The following TLK2 variants were observed in gnomAD, a reference collection of about 807,000 sequenced individuals.
TLK2 encodes the protein tousled like kinase 2.
TLK2 carries 6 observed loss-of-function variants against 117.3 expected under a neutral mutation model. The ratio of observed to expected loss-of-function variants is 0.05; its 90% CI spans 0.03 to 0.10. The LOEUF is 0.10. TLK2 is among the 10% of genes least tolerant of loss of function. The pLI is 1.00. For missense variants in TLK2, 299 were observed against 901.2 expected, an observed-to-expected ratio of 0.33 and a Z score of 8.56; for synonymous variants, 257 against 316.7, an observed-to-expected ratio of 0.81 and a Z score of 2.00.
chr17:62,480,714 T>TAG (rs2071539730), intron 1 of TLK2, among the ~76,000 whole-genome samples: 1 of 152,242 alleles, frequency 6.6e-6, no homozygotes, highest in African/African-American at 2.4e-5. Flanking sequence ...TAAGGACTAC[T>TAG]TCCTGAGTGG....
intron 16 of TLK2, among the ~76,000 whole-genome samples, chr17:62,587,412 G>A (rs1345354496): frequency 6.6e-6 from 1 of 152,040 alleles, no homozygotes. Context: ...GTTTTTTTTG[G>A]TGTTTTGTTT....
At chr17:62,476,139 C>A (rs569700691), upstream of TLK2, among the ~76,000 whole-genome samples, 8 of 151,902 alleles carry the variant, frequency 5.3e-5, no homozygotes, top group African/African-American at 1.9e-4. Context: ...ACCACTATGC[C>A]GAGCTAATTT....
intron 7 of TLK2, 146 bp downstream of exon 7, chr17:62,536,483 A>G (rs999551272): frequency 2.1e-6 from 2 of 940,890 alleles, no homozygotes; most frequent in African/African-American, 3.4e-5. Flanking sequence ...TCATTCCCAA[A>G]CATGTCTAAT....
chr17:62,498,862 T>G (rs2073944366), intron 2 of TLK2, among the ~76,000 whole-genome samples: 1 of 151,730 alleles, frequency 6.6e-6, no homozygotes, highest in Non-Finnish European at 1.5e-5. Context: ...ATTTCTTTGG[T>G]TTATTTGTTT....
chr17:62,503,242 T>G (rs1422759308), intron 2 of TLK2, among the ~76,000 whole-genome samples: 1 of 151,756 alleles, frequency 6.6e-6, no homozygotes, highest in Non-Finnish European at 1.5e-5. Context: ...GTATTTTTAG[T>G]AGAGACGGGG....
chr17:62,609,560 C>T (rs2083579803), intron 21 of TLK2, among the ~76,000 whole-genome samples: 1 of 152,162 alleles, frequency 6.6e-6, no homozygotes, highest in African/African-American at 2.4e-5. Context: ...CTCCCTGTCC[C>T]CATTGTTCAA....
chr17:62,549,468 A>C (rs2078267083), intron 7 of TLK2, among the ~76,000 whole-genome samples: 1 of 149,612 alleles, frequency 6.7e-6, no homozygotes, highest in Non-Finnish European at 1.5e-5. Flanking sequence ...AGAGGATTGT[A>C]AAAGCAATCA....
intron 16 of TLK2, among the ~76,000 whole-genome samples, chr17:62,591,956 C>CTTT (rs1015103461): frequency 9.6e-5 from 14 of 145,658 alleles, no homozygotes; most frequent in African/African-American, 3.2e-4. Context: ...ATTCTTTCTT[C>CTTT]TTTTTTTTTT....
Position 62,482,448 on chromosome 17 carries a change from G to GT in TLK2, c.81+1246dup, listed in dbSNP as rs1430487968. 1.6e-3 allele frequency among the ~76,000 whole-genome samples: 208 copies of GT among 131,482 alleles called. 1 individual carries two copies. The highest frequency in any genetic ancestry group is 3.9e-3 in the Middle Eastern group (1 of 256). The allele number at this position is 131,482 out of a possible 152,430, so 86.3% of individuals were successfully genotyped here. On this transcript the variant is annotated intron_variant, in intron 2 of 21. Transcript: ENST00000346027. The stretch of plus-strand genomic sequence containing the variant: ...TGGTGAGCCGGGATAGCTTGATAGG[G>GT]TTTTGTTTTTTTTTTTTTTGAGTCA...
intron 21 of TLK2, among the ~76,000 whole-genome samples, chr17:62,610,212 G>A (rs893127347): frequency 6.6e-6 from 1 of 152,220 alleles, no homozygotes; most frequent in Admixed American, 6.5e-5. Context: ...TGAACTTGTT[G>A]TGAAGAATAC....
intron 17 of TLK2, among the ~76,000 whole-genome samples, chr17:62,599,386 C>T (rs1385546635): frequency 6.6e-5 from 10 of 152,218 alleles, no homozygotes; most frequent in Non-Finnish European, 1.3e-4. Context: ...TAGCGCTAGA[C>T]CTGAGTCTGT....
chr17:62,471,518 T>C (rs1445675892), intron 1 of TLK2, among the ~76,000 whole-genome samples: 2 of 152,120 alleles, frequency 1.3e-5, no homozygotes, highest in African/African-American at 4.8e-5. Flanking sequence ...AGGCTGTTTA[T>C]GTGCCAAGGT....
At chr17:62,584,163 G>A (rs1189466053) in intron 15 of TLK2, among the ~76,000 whole-genome samples, 2 of 132,340 alleles carry the variant, frequency 1.5e-5, no homozygotes, top group Non-Finnish European at 1.6e-5. Flanking sequence ...CGCCCAGGCT[G>A]GAGAGTGCAG....
chr17:62,508,347 G>A (rs967511281), intron 2 of TLK2: 10 of 726,048 alleles, frequency 1.4e-5, no homozygotes, highest in African/African-American at 1.3e-4. Context: ...CTTAAATAAT[G>A]TGGACAAAGA....
At position 62,610,425 on chromosome 17, in the gene TLK2, A is replaced by G. The variant is rs2083654178; in HGVS notation, c.2080-1967A>G. On this transcript the variant is annotated intron_variant, in intron 21 of 21. Transcript: ENST00000346027. ...AGTTCCCTACCCTTAAGGAGTTTATATTCCACTTATGAGAAAAACAATAAA... is the reference window on the plus strand; with the variant it reads ...AGTTCCCTACCCTTAAGGAGTTTATGTTCCACTTATGAGAAAAACAATAAA... Among the ~76,000 whole-genome samples the G allele has an allele frequency of 2.6e-5, 4 of 152,382 alleles. No homozygotes were observed. The South Asian group carries it at 8.3e-4, about 32-fold the overall frequency.
At chr17:62,498,708 C>A (rs1221527679) in intron 2 of TLK2, among the ~76,000 whole-genome samples, 1 of 151,902 alleles carries the variant, frequency 6.6e-6, no homozygotes, top group Non-Finnish European at 1.5e-5. Context: ...GTCTTTTTTA[C>A]TGTATTATTA....
At chr17:62,607,076 C>G (rs1185893433) in intron 20 of TLK2, among the ~76,000 whole-genome samples, 1 of 137,898 alleles carries the variant, frequency 7.3e-6, no homozygotes, top group Non-Finnish European at 1.5e-5. Flanking sequence ...AGGTAGTAGG[C>G]TTAATTATTA....
chr17:62,560,367 T>A (rs2079168013), intron 10 of TLK2: 1 of 232,302 alleles, frequency 4.3e-6, no homozygotes, highest in African/African-American at 2.3e-5. Flanking sequence ...AGACAGCTTG[T>A]CCTAGTTGAG....
chr17:62,590,102 C>T (rs1330729341), intron 16 of TLK2, among the ~76,000 whole-genome samples: 9 of 148,688 alleles, frequency 6.1e-5, no homozygotes, highest in Non-Finnish European at 1.2e-4. Context: ...CCACCGTGCC[C>T]GGCCTTTAAC....
Sources: gnomAD v4.1 joint callset for allele counts (sites outside exome capture counted in the v4.1 genomes callset) on GRCh38, gnomAD v4.1.1 for gene constraint, MANE v1.5 for transcripts, NCBI Gene and HGNC (gene_info 2026-07-23, HGNC 2026-07-21) for gene names.